ARHGAP10: variants seen among roughly 807,000 people sequenced by gnomAD.
ARHGAP10 encodes the protein Rho GTPase activating protein 10.
A neutral mutation model predicts 108.6 loss-of-function variants in ARHGAP10; 87 were observed. That is an observed-to-expected ratio of 0.80 (90% confidence interval 0.67 to 0.96). The LOEUF is 0.96. Among genes scored for constraint, ARHGAP10 ranks in the 40% least tolerant of loss-of-function variants. The pLI is 0.00. For missense variants in ARHGAP10, 939 were observed against 954.5 expected (o/e 0.98, Z 0.21); for synonymous variants, 347 against 341.1 (o/e 1.02, Z -0.19).
At chr4:147,975,206 T>C (rs1468880136) in intron 18 of ARHGAP10, among the ~76,000 whole-genome samples, 4 of 152,194 alleles carry the variant, frequency 2.6e-5, no homozygotes, top group Admixed American at 2.6e-4. Flanking sequence ...TGTGTCTTTT[T>C]TTTGGTGTGA....
At chr4:147,995,882 A>AAT (rs1740455053) in intron 18 of ARHGAP10, among the ~76,000 whole-genome samples, 1 of 152,032 alleles carries the variant, frequency 6.6e-6, no homozygotes, top group Admixed American at 6.6e-5. Flanking sequence ...ACGCCTGGCT[A>AAT]ATTTTTTTGT....
At chr4:148,039,406 G>T (rs572134913) in intron 19 of ARHGAP10, among the ~76,000 whole-genome samples, 116 of 96,278 alleles carry the variant, frequency 1.2e-3, no homozygotes, top group East Asian at 1.5e-3. Context: ...TTGAGATAGA[G>T]TCTCACTCTG....
chr4:147,892,553 T>A (rs1735827414), intron 10 of ARHGAP10, among the ~76,000 whole-genome samples: 1 of 152,124 alleles, frequency 6.6e-6, no homozygotes, highest in South Asian at 2.1e-4. Context: ...TCTAAGGTGC[T>A]GTGGGAGTTG....
chr4:147,928,748 A>T (rs1368367337), intron 13 of ARHGAP10, among the ~76,000 whole-genome samples: 1 of 152,232 alleles, frequency 6.6e-6, no homozygotes, highest in Non-Finnish European at 1.5e-5. Flanking sequence ...AAATGGGCTT[A>T]TAGATTAAAG....
rs186984827 is a variant in ARHGAP10, at chr4:147,843,451, A to G, written c.313-3700A>G. On this transcript the variant is annotated intron_variant, in intron 3 of 22. Transcript: ENST00000336498. ...GCCCAGCCCTTTCTGCCACCTTGCC[A>G]TGGATATTGCTGAGCTCTCATTCTT... Among the ~76,000 whole-genome samples the G allele has an allele frequency of 5.7e-3, 855 of 149,848 alleles. 4 individuals are homozygous for G. Among genetic ancestry groups the G allele is most frequent in the African/African-American group, 0.017 (651 of 39,244 alleles).
At chr4:147,885,606 A>G (rs1288252683) in intron 10 of ARHGAP10, among the ~76,000 whole-genome samples, 1 of 152,154 alleles carries the variant, frequency 6.6e-6, no homozygotes, top group Non-Finnish European at 1.5e-5. Flanking sequence ...CTGGGAAGAA[A>G]TTGGGTACAG....
At chr4:147,901,964 C>T (rs780281936) in intron 10 of ARHGAP10, among the ~76,000 whole-genome samples, 3 of 152,122 alleles carry the variant, frequency 2.0e-5, no homozygotes, top group Non-Finnish European at 2.9e-5. Context: ...GGCTCATGGC[C>T]GACTTTGAGA....
intron 19 of ARHGAP10, among the ~76,000 whole-genome samples, chr4:148,043,277 T>G (rs1205702646): frequency 6.6e-6 from 1 of 151,934 alleles, no homozygotes; most frequent in Non-Finnish European, 1.5e-5. Context: ...TGTCTTAGAG[T>G]CTGTTCATAA....
chr4:147,841,688 A>C (rs1733421580), intron 3 of ARHGAP10, among the ~76,000 whole-genome samples: 1 of 152,216 alleles, frequency 6.6e-6, no homozygotes, highest in Admixed American at 6.5e-5. Context: ...TGCCTTATTG[A>C]AACATTTATT....
At chr4:147,910,355 A>G (rs1440766843) in intron 12 of ARHGAP10, among the ~76,000 whole-genome samples, 2 of 152,040 alleles carry the variant, frequency 1.3e-5, no homozygotes, top group African/African-American at 4.8e-5. Context: ...TCTCAAAAAA[A>G]AAAAAATTGT....
chr4:147,956,737 G>GT lies in ARHGAP10; in HGVS notation c.1450+1374dup, dbSNP rs1169963314. Among the ~76,000 whole-genome samples the GT allele has an allele frequency of 2.9e-3, 414 of 142,586 alleles. 2 individuals are homozygous for GT. The highest frequency in any genetic ancestry group is 9.0e-3 in the African/African-American group (346 of 38,552). The allele number at this position is 142,586 out of a possible 152,430, so 93.5% of individuals were successfully genotyped here. On this transcript the variant is annotated intron_variant, in intron 16 of 22. Transcript: ENST00000336498. The stretch of plus-strand genomic sequence containing the variant: ...AAAGATAAAGTGATTATGGAATAAG[G>GT]TTTTTTTTTTTCCTTTTTTTTTTTC...
intron 1 of ARHGAP10, among the ~76,000 whole-genome samples, chr4:147,789,762 C>A (rs1020184715): frequency 6.6e-6 from 1 of 152,212 alleles, no homozygotes; most frequent in African/African-American, 2.4e-5. Context: ...TGTATTTTCA[C>A]TTCCTATTTG....
chr4:147,923,435 T>C (rs1737328216), intron 13 of ARHGAP10, among the ~76,000 whole-genome samples: 1 of 152,372 alleles, frequency 6.6e-6, no homozygotes, highest in South Asian at 2.1e-4. Flanking sequence ...TTGCTATTTT[T>C]AAAATAGTCA....
intron 1 of ARHGAP10, among the ~76,000 whole-genome samples, chr4:147,758,796 T>C (rs1729476800): frequency 6.6e-6 from 1 of 151,888 alleles, no homozygotes; most frequent in African/African-American, 2.4e-5. Flanking sequence ...GTGGCCAGCA[T>C]GGTGAAACCC....
chr4:147,882,881 C>A (rs190480208), intron 10 of ARHGAP10, among the ~76,000 whole-genome samples: 79 of 152,282 alleles, frequency 5.2e-4, no homozygotes, highest in Non-Finnish European at 1.9e-4. Flanking sequence ...TAATGGCTGA[C>A]AGTACAGTGA....
intron 13 of ARHGAP10, among the ~76,000 whole-genome samples, chr4:147,916,038 G>T (rs1406531768): frequency 2.6e-5 from 4 of 152,208 alleles, no homozygotes; most frequent in South Asian, 4.1e-4. Flanking sequence ...GATCCCAGGG[G>T]TCGAGGCTAC....
At chr4:147,854,365 G>A (rs2126827959) in intron 4 of ARHGAP10, among the ~76,000 whole-genome samples, 1 of 152,278 alleles carries the variant, frequency 6.6e-6, no homozygotes, top group East Asian at 1.9e-4. Flanking sequence ...CTGAGTAATG[G>A]CTGCCTTCTT....
chr4:147,735,021 CA>C (rs1560730487), intron 1 of ARHGAP10, among the ~76,000 whole-genome samples: 1 of 152,118 alleles, frequency 6.6e-6, no homozygotes, highest in Non-Finnish European at 1.5e-5. Context: ...TGGAAGATTT[CA>C]ATATGTAATT....
At chr4:148,069,778 C>T (rs1250961252) in intron 22 of ARHGAP10, among the ~76,000 whole-genome samples, 2 of 152,192 alleles carry the variant, frequency 1.3e-5, no homozygotes, top group Non-Finnish European at 2.9e-5. Context: ...GGAGTCTCCT[C>T]TAGGGCTCTG....
Sources: gnomAD v4.1 joint callset for allele counts (sites outside exome capture counted in the v4.1 genomes callset) on GRCh38, gnomAD v4.1.1 for gene constraint, MANE v1.5 for transcripts, NCBI Gene and HGNC (gene_info 2026-07-23, HGNC 2026-07-21) for gene names.